Variants in SEMA3E observed in about 807,000 individuals in gnomAD.
SEMA3E encodes the protein semaphorin 3E.
Under a neutral mutation model 93.6 loss-of-function variants are expected in SEMA3E, and 49 were observed. The ratio of observed to expected loss-of-function variants is 0.52; its 90% CI spans 0.42 to 0.66. The LOEUF is 0.66. Ranked by LOEUF, SEMA3E falls within the 30% of genes least tolerant of loss-of-function variation. SEMA3E has a pLI of 0.00. For synonymous variants in SEMA3E, 363 were observed against 330.7 expected, an observed-to-expected ratio of 1.10 and a Z score of -1.06; for missense variants, 906 against 964.8, an observed-to-expected ratio of 0.94 and a Z score of 0.81.
At chr7:83,481,082 C>A (rs1790135812) in intron 2 of SEMA3E, among the ~76,000 whole-genome samples, 1 of 152,090 alleles carries the variant, frequency 6.6e-6, no homozygotes, top group South Asian at 2.1e-4. Flanking sequence ...GCCATGAATG[C>A]CAATGGTTAG....
At chr7:83,460,869 TTCCC>T (rs1386651633) in intron 4 of SEMA3E, among the ~76,000 whole-genome samples, 3 of 150,088 alleles carry the variant, frequency 2.0e-5, no homozygotes, top group Non-Finnish European at 3.0e-5. Flanking sequence ...CCCAAACCCA[TTCCC>T]TCCATTTCTC....
chr7:83,394,193 A>C (rs2115588538), intron 13 of SEMA3E, 104 bp downstream of exon 13: 1 of 1,216,872 alleles, frequency 8.2e-7, no homozygotes, highest in South Asian at 1.4e-5. Flanking sequence ...AACTGTAATA[A>C]GTTCATATTT....
intron 8 of SEMA3E, 111 bp from the exon 9 acceptor site, chr7:83,405,630 T>C: frequency 1.2e-6 from 1 of 869,186 alleles, no homozygotes; most frequent in East Asian, 2.6e-5. Flanking sequence ...TTGAGATGTG[T>C]ATTTTCATAT....
intron 4 of SEMA3E, among the ~76,000 whole-genome samples, chr7:83,448,337 AC>A (rs2115809603): frequency 6.6e-6 from 1 of 152,274 alleles, no homozygotes; most frequent in African/African-American, 2.4e-5. Context: ...ATCTTAGTAA[AC>A]ATATTCTTAA....
intron 1 of SEMA3E, among the ~76,000 whole-genome samples, chr7:83,517,459 ACTC>A (rs1408113624): frequency 6.6e-6 from 1 of 152,152 alleles, no homozygotes; most frequent in Non-Finnish European, 1.5e-5. Flanking sequence ...TGCTTTTGCT[ACTC>A]CTCCAACTTT....
rs559740069 is a variant in SEMA3E, at chr7:83,364,969, G to C, written c.*2617C>G. ...ATCCATTTTTAATTTTTAAAGCCTGGGCATTTCTCACAACAGATTCTGAAT... is the reference window on the plus strand; with the variant it reads ...ATCCATTTTTAATTTTTAAAGCCTGCGCATTTCTCACAACAGATTCTGAAT... On this transcript the variant is annotated 3_prime_UTR_variant, in exon 17 of 17. Transcript: ENST00000643230. 1 of 152,192 alleles carries C rather than the reference G, an allele frequency of 6.6e-6. No individual in the cohort carries two copies. 9.4% of individuals were successfully genotyped at this position (152,192 alleles called of 1,614,324 possible).
chr7:83,487,271 T>C (rs1790277839), intron 2 of SEMA3E, among the ~76,000 whole-genome samples: 1 of 152,132 alleles, frequency 6.6e-6, no homozygotes, highest in Non-Finnish European at 1.5e-5. Flanking sequence ...AAATTGTTAT[T>C]AAATTTTGTG....
chr7:83,513,984 G>C (rs34768096), intron 1 of SEMA3E, among the ~76,000 whole-genome samples: 12,148 of 152,034 alleles, frequency 0.08, 598 homozygotes, highest in South Asian at 0.2. Context: ...TAGGAGGTCA[G>C]CATAAATTAC....
chr7:83,502,951 A>G (rs1790622821), intron 1 of SEMA3E, among the ~76,000 whole-genome samples: 1 of 152,166 alleles, frequency 6.6e-6, no homozygotes, highest in Non-Finnish European at 1.5e-5. Flanking sequence ...GGACTGCCGT[A>G]AGAATCAAAT....
intron 1 of SEMA3E, among the ~76,000 whole-genome samples, chr7:83,645,775 T>C (rs893237918): frequency 2.6e-5 from 4 of 151,600 alleles, no homozygotes; most frequent in Non-Finnish European, 5.9e-5. Context: ...TTAATCCTAA[T>C]GATCCCTTCC....
intron 1 of SEMA3E, among the ~76,000 whole-genome samples, chr7:83,640,106 A>G (rs2115707320): frequency 6.6e-6 from 1 of 152,246 alleles, no homozygotes; most frequent in Middle Eastern, 3.4e-3. Context: ...GGAGGGAAAG[A>G]GTCAGTGTCC....
rs187519636 is a variant in SEMA3E at position 83,538,389 on chromosome 7, G to A, written c.116-48115C>T. ...TGATTCTAATGATTATAGCAGGCAT[G>A]AGGTGTATCTTATTATAGTTTTGAT... On this transcript the variant is annotated intron_variant, in intron 1 of 16. Coordinates refer to ENST00000643230, the MANE Select transcript of SEMA3E (RefSeq NM_012431.3). 2.8e-3 allele frequency among the ~76,000 whole-genome samples: 419 copies of A among 152,208 alleles called. 4 individuals carry two copies. Among genetic ancestry groups the A allele is most frequent in the African/African-American group, 9.7e-3 (403 of 41,538 alleles).
At chr7:83,394,162 AAAGT>A (rs1248264148) in intron 13 of SEMA3E, 131 bp downstream of exon 13, 23 of 956,840 alleles carry the variant, frequency 2.4e-5, no homozygotes, top group Non-Finnish European at 3.4e-5. Flanking sequence ...ACAATAAAAT[AAAGT>A]AATAAAAGAA....
intron 1 of SEMA3E, among the ~76,000 whole-genome samples, chr7:83,568,461 T>C (rs1409620714): frequency 6.6e-6 from 1 of 152,018 alleles, no homozygotes; most frequent in Admixed American, 6.6e-5. Flanking sequence ...TGAACGTAGA[T>C]ACAAAAACTC....
intron 4 of SEMA3E, among the ~76,000 whole-genome samples, chr7:83,428,837 T>C (rs1027076064): frequency 2.6e-5 from 4 of 152,216 alleles, no homozygotes; most frequent in Non-Finnish European, 4.4e-5. Context: ...ATCCTCACGG[T>C]AAACCTGTGA....
intron 2 of SEMA3E, among the ~76,000 whole-genome samples, chr7:83,478,251 G>C (rs1584276129): frequency 6.6e-6 from 1 of 151,998 alleles, no homozygotes; most frequent in African/African-American, 2.4e-5. Flanking sequence ...ATAGTAGTGA[G>C]AATAATTTTA....
At chr7:83,458,647 A>G (rs1309826751) in intron 4 of SEMA3E, among the ~76,000 whole-genome samples, 1 of 151,810 alleles carries the variant, frequency 6.6e-6, no homozygotes, top group Non-Finnish European at 1.5e-5. Context: ...ATACCTTTCA[A>G]GTAAACTATG....
At chr7:83,482,258 A>C (rs561096240) in intron 2 of SEMA3E, among the ~76,000 whole-genome samples, 1 of 152,096 alleles carries the variant, frequency 6.6e-6, no homozygotes, top group Non-Finnish European at 1.5e-5. Flanking sequence ...AGTGGCTGTG[A>C]TAATAAGCAC....
intron 4 of SEMA3E, among the ~76,000 whole-genome samples, chr7:83,451,858 G>T (rs965203326): frequency 1.3e-5 from 2 of 152,150 alleles, no homozygotes; most frequent in African/African-American, 4.8e-5. Flanking sequence ...GCTGAATTGG[G>T]CGTATTGCTG....
Sources: gnomAD v4.1 joint callset for allele counts (sites outside exome capture counted in the v4.1 genomes callset) on GRCh38, gnomAD v4.1.1 for gene constraint, MANE v1.5 for transcripts, NCBI Gene and HGNC (gene_info 2026-07-23, HGNC 2026-07-21) for gene names.